The following SARNP variants were observed in gnomAD, a reference collection of about 807,000 sequenced individuals.
SARNP encodes SAP domain-containing ribonucleoprotein.
In SARNP, 5 loss-of-function variants were observed where a neutral mutation model predicts 38.1. The observed-to-expected ratio is 0.13, with a 90% CI of 0.07 to 0.28. The LOEUF is 0.28. SARNP is among the 10% of genes least tolerant of loss of function. The pLI is 1.00. For synonymous variants in SARNP, 84 were observed against 80.6 expected, an observed-to-expected ratio of 1.04 and a Z score of -0.23; for missense variants, 180 against 243.9, an observed-to-expected ratio of 0.74 and a Z score of 1.75.
intron 4 of SARNP, 118 bp from the exon 5 acceptor site, chr12:55,796,194 C>G (rs1468894296): frequency 8.8e-6 from 6 of 679,226 alleles, no homozygotes; most frequent in African/African-American, 7.2e-5. Context: ...TCTGCCACCC[C>G]CTAAGCCAAA....
At chr12:55,791,709 G>GA (rs890977978) in intron 7 of SARNP, among the ~76,000 whole-genome samples, 7 of 151,402 alleles carry the variant, frequency 4.6e-5, no homozygotes, top group Admixed American at 6.6e-5. Context: ...AAGAAAAAAA[G>GA]AAAAAAAGAG....
chr12:55,808,847 AATTAC>A (rs1231482544), intron 1 of SARNP, among the ~76,000 whole-genome samples: 2 of 152,220 alleles, frequency 1.3e-5, no homozygotes, highest in Non-Finnish European at 2.9e-5. Context: ...ATTTCAGCAC[AATTAC>A]ATTAGCAGAA....
chr12:55,780,319 T>C (rs1167856909), intron 9 of SARNP, among the ~76,000 whole-genome samples: 1 of 152,048 alleles, frequency 6.6e-6, no homozygotes, highest in Non-Finnish European at 1.5e-5. Context: ...CCGGGCATAG[T>C]AGCACATGCC....
At chr12:55,771,529 T>C (rs1879008227) in intron 9 of SARNP, among the ~76,000 whole-genome samples, 1 of 152,102 alleles carries the variant, frequency 6.6e-6, no homozygotes, top group Admixed American at 6.5e-5. Flanking sequence ...GAAGCAGAAA[T>C]TCCAATCTAA....
At chr12:55,754,147 G>A (rs1400296023), downstream of SARNP, 1 of 152,110 alleles carries the variant, frequency 6.6e-6, no homozygotes, top group East Asian at 1.9e-4. Flanking sequence ...AGTAGCAGAA[G>A]TGTTATGTAT....
At chr12:55,753,361 T>C (rs943076506), downstream of SARNP, 11 of 152,202 alleles carry the variant, frequency 7.2e-5, 1 homozygote, top group Admixed American at 5.9e-4. Context: ...AAATAGCATC[T>C]CAAATATTCT....
chr12:55,807,124 T>C (rs1444926813), intron 1 of SARNP, among the ~76,000 whole-genome samples: 2 of 152,150 alleles, frequency 1.3e-5, no homozygotes, highest in Non-Finnish European at 2.9e-5. Context: ...ATAAGGTTGC[T>C]TTTTACAATA....
intron 4 of SARNP, among the ~76,000 whole-genome samples, chr12:55,800,107 C>T (rs189003076): frequency 3.3e-5 from 5 of 151,900 alleles, no homozygotes; most frequent in East Asian, 3.9e-4. Flanking sequence ...AGGAGAATTG[C>T]TTGAGCCTGG....
At chr12:55,768,155 C>G (rs1161917720) in intron 9 of SARNP, among the ~76,000 whole-genome samples, 2 of 152,130 alleles carry the variant, frequency 1.3e-5, no homozygotes, top group Non-Finnish European at 2.9e-5. Context: ...GAGACAGAGT[C>G]TCACTCTGTC....
At chr12:55,769,374 G>A (rs914160432) in intron 9 of SARNP, among the ~76,000 whole-genome samples, 5 of 152,144 alleles carry the variant, frequency 3.3e-5, no homozygotes, top group Non-Finnish European at 5.9e-5. Context: ...TTAACTTCAC[G>A]AGGCTTATGA....
chr12:55,816,654 G>A (rs992121559), intron 1 of SARNP, among the ~76,000 whole-genome samples: 1 of 152,172 alleles, frequency 6.6e-6, no homozygotes, highest in African/African-American at 2.4e-5. Flanking sequence ...AGCTATATCA[G>A]CCTGGTTTGT....
chr12:55,794,008 T>C (rs933047688), intron 7 of SARNP: 2 of 221,882 alleles, frequency 9.0e-6, no homozygotes, highest in African/African-American at 4.7e-5. Flanking sequence ...GATATTCTTT[T>C]CCCTTTTATC....
At chr12:55,799,588 G>C (rs191422193) in intron 4 of SARNP, among the ~76,000 whole-genome samples, 1 of 102,792 alleles carries the variant, frequency 9.7e-6, no homozygotes, top group Admixed American at 1.4e-4. Context: ...CGAGACAGCT[G>C]TGGCTCCCAG....
At chr12:55,805,966 C>T (rs1880126687) in intron 1 of SARNP, among the ~76,000 whole-genome samples, 2 of 151,220 alleles carry the variant, frequency 1.3e-5, no homozygotes, top group East Asian at 1.9e-4. Context: ...GAACCTGGGA[C>T]GCAGAGGTTG....
Position 55,774,558 on chromosome 12 carries a change from T to TAAAAAAAAAAAAAAAAAAA in SARNP, c.502-13919_502-13918insTTTTTTTTTTTTTTTTTTT, listed in dbSNP as rs1565673497. Among the ~76,000 whole-genome samples, 57 of 40,522 alleles carry TAAAAAAAAAAAAAAAAAAA rather than the reference T, an allele frequency of 1.4e-3. 8 individuals carry two copies. Among genetic ancestry groups the TAAAAAAAAAAAAAAAAAAA allele is most frequent in the Admixed American group, 1.9e-3 (8 of 4,146 alleles). 26.6% of individuals were successfully genotyped at this position (40,522 alleles called of 152,430 possible). A position where few individuals can be genotyped will look rare whatever the true frequency, so the allele number is the denominator to read the frequency against. The stretch of plus-strand genomic sequence containing the variant: ...CGACACGGTGAAACCCCGTCTCTAC[T>TAAAAAAAAAAAAAAAAAAA]GAAAAAAAAAAAAAAACAAACAAAA... On this transcript the variant is annotated intron_variant, in intron 9 of 10. Coordinates refer to ENST00000336133, the MANE Select transcript of SARNP (RefSeq NM_033082.4).
rs763160279 is a variant in SARNP at position 55,796,114 on chromosome 12, A to T, written c.252-38T>A. On this transcript the variant is annotated intron_variant, in intron 4 of 10. Coordinates refer to ENST00000336133, the MANE Select transcript of SARNP (RefSeq NM_033082.4). The stretch of plus-strand genomic sequence containing the variant: ...GAGATTTTTTAAAATGAGAAAACTG[A>T]TATTCTAAACCACAACCTCAGAAAT... 1.3e-5 allele frequency: 19 copies of T among 1,434,914 alleles called. No homozygotes were observed. In the South Asian group the frequency reaches 2.2e-4, roughly 16 times the overall value. The allele number at this position is 1,434,914 out of a possible 1,614,324, so 88.9% of individuals were successfully genotyped here.
At chr12:55,791,007 T>G (rs1027081645) in intron 7 of SARNP, among the ~76,000 whole-genome samples, 5 of 152,216 alleles carry the variant, frequency 3.3e-5, no homozygotes, top group African/African-American at 1.2e-4. Context: ...GGAATATTAT[T>G]AAACAATAAA....
chr12:55,772,438 A>G (rs1879034591), intron 9 of SARNP, among the ~76,000 whole-genome samples: 1 of 152,108 alleles, frequency 6.6e-6, no homozygotes, highest in African/African-American at 2.4e-5. Flanking sequence ...AGGTTCTACC[A>G]CTTTTTCTTT....
At chr12:55,791,149 G>GA (rs1392446984) in intron 7 of SARNP, among the ~76,000 whole-genome samples, 2 of 152,292 alleles carry the variant, frequency 1.3e-5, no homozygotes, top group Middle Eastern at 3.4e-3. Context: ...TTTCCATGGA[G>GA]AAAAAAACCT....
Sources: allele counts gnomAD v4.1 joint callset (sites outside exome capture counted in the v4.1 genomes callset), GRCh38; gene constraint gnomAD v4.1.1; transcripts MANE v1.5; gene names NCBI Gene and HGNC (gene_info 2026-07-23, HGNC 2026-07-21).